Variants in MAGI1 observed in about 807,000 individuals in gnomAD.
The protein encoded by MAGI1 is membrane associated guanylate kinase, WW and PDZ domain containing 1, also known as membrane-associated guanylate kinase, WW and PDZ domain-containing protein 1.
Under a neutral mutation model 139.9 loss-of-function variants are expected in MAGI1, and 58 were observed. The ratio of observed to expected loss-of-function variants is 0.41; its 90% CI spans 0.34 to 0.52. MAGI1 has a LOEUF of 0.52. Among genes scored for constraint, MAGI1 ranks in the 20% least tolerant of loss-of-function variants. The pLI is 0.12. For synonymous variants in MAGI1, 812 were observed against 737.9 expected (o/e 1.10, Z -1.63); for missense variants, 1,874 against 1,901.6 (o/e 0.99, Z 0.27).
intron 1 of MAGI1, among the ~76,000 whole-genome samples, chr3:65,786,424 G>A (rs1464747848): frequency 6.6e-6 from 1 of 151,186 alleles, no homozygotes; most frequent in Non-Finnish European, 1.5e-5. Context: ...CTCCCACCTC[G>A]GCTTCCCAAG....
intron 8 of MAGI1, among the ~76,000 whole-genome samples, chr3:65,442,345 C>G (rs535869701): frequency 6.6e-6 from 1 of 152,254 alleles, no homozygotes; most frequent in African/African-American, 2.4e-5. Flanking sequence ...GTGGCTGAAC[C>G]TTTTGAAATG....
In MAGI1 at chr3:65,439,895, CTGCTGCTGCTGCTGCTGCTGT is replaced by C. The variant is rs752160270; in HGVS notation, c.1233_1253del (p.Gln415_Gln421del). On this transcript the variant is annotated inframe_deletion, in exon 9 of 23. Transcript: ENST00000402939. ...GAGGCCAACCTTCTGTCTGCTGCTGCTGCTGCTGCTGCTGCTGCTGTTGCTGCTGCTGTTGCTGCTGCTGCT... is the reference window on the plus strand; with the variant it reads ...GAGGCCAACCTTCTGTCTGCTGCTGCTGCTGCTGCTGTTGCTGCTGCTGCT... 35 of 1,606,308 alleles carry C rather than the reference CTGCTGCTGCTGCTGCTGCTGT, an allele frequency of 2.2e-5. No individual in the cohort carries two copies. The highest frequency in any genetic ancestry group is 2.1e-4 in the South Asian group (19 of 90,860).
At chr3:65,577,757 C>T (rs939483305) in intron 2 of MAGI1, among the ~76,000 whole-genome samples, 1 of 152,216 alleles carries the variant, frequency 6.6e-6, no homozygotes, top group Non-Finnish European at 1.5e-5. Context: ...TGTCTTTACA[C>T]AGCAGACTCA....
intron 1 of MAGI1, among the ~76,000 whole-genome samples, chr3:65,930,189 G>A (rs1181755079): frequency 2.6e-5 from 4 of 151,722 alleles, no homozygotes; most frequent in Middle Eastern, 3.4e-3. Flanking sequence ...AGTGGCGGGC[G>A]CCTGTAGTCC....
At chr3:65,614,815 G>C (rs1559722386) in intron 2 of MAGI1, among the ~76,000 whole-genome samples, 1 of 151,990 alleles carries the variant, frequency 6.6e-6, no homozygotes. Flanking sequence ...AATGGCTCTA[G>C]ATAAGCTGTA....
At chr3:65,721,820 A>G (rs1489987428) in intron 1 of MAGI1, among the ~76,000 whole-genome samples, 1 of 148,890 alleles carries the variant, frequency 6.7e-6, no homozygotes, top group Non-Finnish European at 1.5e-5. Context: ...TTCTGTTTGT[A>G]TGTTTTGTTT....
At chr3:65,516,037 C>G (rs775184986) in intron 2 of MAGI1, among the ~76,000 whole-genome samples, 2 of 152,096 alleles carry the variant, frequency 1.3e-5, no homozygotes, top group Admixed American at 6.5e-5. Flanking sequence ...AGCTCTGGGT[C>G]CTTTAAAAAG....
At chr3:65,506,663 G>C (rs1478910876) in intron 2 of MAGI1, among the ~76,000 whole-genome samples, 1 of 152,094 alleles carries the variant, frequency 6.6e-6, no homozygotes, top group African/African-American at 2.4e-5. Context: ...GGATCCATAA[G>C]AAAATGCCTA....
At chr3:65,765,555 T>C (rs981628207) in intron 1 of MAGI1, among the ~76,000 whole-genome samples, 3 of 152,226 alleles carry the variant, frequency 2.0e-5, no homozygotes, top group Admixed American at 6.5e-5. Context: ...AGAGTCAGGA[T>C]TCGGGCCCAG....
chr3:65,578,298 G>A (rs1033330192), intron 2 of MAGI1, among the ~76,000 whole-genome samples: 1 of 151,964 alleles, frequency 6.6e-6, no homozygotes, highest in Non-Finnish European at 1.5e-5. Flanking sequence ...TTTGTTTCTG[G>A]ACATACTGTA....
intron 1 of MAGI1, among the ~76,000 whole-genome samples, chr3:65,896,255 TATA>T (rs780121012): frequency 1.3e-5 from 2 of 151,690 alleles, no homozygotes; most frequent in African/African-American, 2.4e-5. Flanking sequence ...CACCAGCGTA[TATA>T]ATAAGTATTT....
At chr3:65,550,390 G>A (rs75513100) in intron 2 of MAGI1, among the ~76,000 whole-genome samples, 1 of 152,180 alleles carries the variant, frequency 6.6e-6, no homozygotes, top group African/African-American at 2.4e-5. Context: ...AACTTCTAAG[G>A]CCAAGAGGGC....
At chr3:65,771,866 C>A (rs1019439553) in intron 1 of MAGI1, among the ~76,000 whole-genome samples, 2 of 152,126 alleles carry the variant, frequency 1.3e-5, no homozygotes, top group African/African-American at 4.8e-5. Context: ...TCATGTAAGA[C>A]CTTAATTTAT....
chr3:65,691,302 C>CAAAAAAAA lies in MAGI1; in HGVS notation c.314-69222_314-69215dup, dbSNP rs752329892. On this transcript the variant is annotated intron_variant, in intron 1 of 22. Coordinates refer to ENST00000402939, the MANE Select transcript of MAGI1 (RefSeq NM_001033057.2). Reference sequence around the variant, plus strand: ...TGGGCGACAGAGCAAGACTCCGTCTCAAAAAAAAAAAAAGAAAAGAAAAAG... The same window carrying CAAAAAAAA: ...TGGGCGACAGAGCAAGACTCCGTCTCAAAAAAAAAAAAAAAAAAAAAGAAAAGAAAAAG... 2.9e-4 allele frequency among the ~76,000 whole-genome samples: 22 copies of CAAAAAAAA among 74,706 alleles called. 1 individual carries two copies. Among genetic ancestry groups the CAAAAAAAA allele is most frequent in the East Asian group, 2.1e-3 (7 of 3,370 alleles). The allele number at this position is 74,706 out of a possible 152,430, so 49.0% of individuals were successfully genotyped here. A position where few individuals can be genotyped will look rare whatever the true frequency, so the allele number is the denominator to read the frequency against.
intron 3 of MAGI1, among the ~76,000 whole-genome samples, chr3:65,484,754 C>G (rs1190703879): frequency 1.3e-5 from 2 of 152,156 alleles, no homozygotes; most frequent in Non-Finnish European, 2.9e-5. Context: ...TGCTCCTCAC[C>G]CTGTTACTAC....
intron 1 of MAGI1, among the ~76,000 whole-genome samples, chr3:65,849,914 A>G (rs1278722048): frequency 6.6e-6 from 1 of 152,192 alleles, no homozygotes; most frequent in Admixed American, 6.5e-5. Flanking sequence ...CTCTAGATTC[A>G]ACTTTAAACT....
At chr3:65,903,733 C>T (rs573875036) in intron 1 of MAGI1, among the ~76,000 whole-genome samples, 4 of 152,180 alleles carry the variant, frequency 2.6e-5, no homozygotes, top group Middle Eastern at 6.8e-3. Flanking sequence ...CTAGGCCAGG[C>T]GCAGTGGCTC....
intron 1 of MAGI1, among the ~76,000 whole-genome samples, chr3:65,974,135 C>T (rs901318067): frequency 1.4e-4 from 22 of 151,794 alleles, no homozygotes; most frequent in African/African-American, 5.3e-4. Flanking sequence ...ATGAAAGTAA[C>T]AAAGTAGAAT....
chr3:65,890,398 A>G (rs933428211), intron 1 of MAGI1, among the ~76,000 whole-genome samples: 2 of 152,104 alleles, frequency 1.3e-5, no homozygotes, highest in Non-Finnish European at 2.9e-5. Context: ...AAAACTCATC[A>G]TATGCCTTCC....
Sources: gnomAD v4.1 joint callset for allele counts (sites outside exome capture counted in the v4.1 genomes callset) on GRCh38, gnomAD v4.1.1 for gene constraint, MANE v1.5 for transcripts, NCBI Gene and HGNC (gene_info 2026-07-23, HGNC 2026-07-21) for gene names.